The following PTPRQ variants were observed in gnomAD, a reference collection of about 807,000 sequenced individuals.
PTPRQ encodes the protein protein tyrosine phosphatase receptor type Q.
A neutral mutation model predicts 246.0 loss-of-function variants in PTPRQ; 199 were observed. That is an observed-to-expected ratio of 0.81 (90% CI 0.72 to 0.91). The LOEUF is 0.91. Ranked by LOEUF, PTPRQ falls within the 40% of genes least tolerant of loss-of-function variation. PTPRQ has a pLI of 0.00. For missense variants in PTPRQ, 2,624 were observed against 2,528.4 expected (o/e 1.04, Z -0.81); for synonymous variants, 869 against 853.2 (o/e 1.02, Z -0.32).
chr12:80,611,596 T>C (rs1467299796), intron 28 of PTPRQ, among the ~76,000 whole-genome samples: 2 of 150,370 alleles, frequency 1.3e-5, no homozygotes, highest in Non-Finnish European at 3.0e-5. Context: ...ATGAATGTAC[T>C]CACATTTATA....
At chr12:80,637,766 G>T (rs1899711348) in intron 35 of PTPRQ, among the ~76,000 whole-genome samples, 1 of 152,134 alleles carries the variant, frequency 6.6e-6, no homozygotes, top group African/African-American at 2.4e-5. Context: ...CATATGAGTG[G>T]ATCCTGTCAT....
chr12:80,444,698 C>A, intron 1 of PTPRQ, 43 bp from the exon 2 acceptor site: 2 of 1,433,024 alleles, frequency 1.4e-6, no homozygotes, highest in Middle Eastern at 1.8e-4. Context: ...TGCTTGCTTT[C>A]CAGAAAGAAT....
intron 8 of PTPRQ, among the ~76,000 whole-genome samples, chr12:80,474,413 T>C (rs1413799975): frequency 6.6e-6 from 1 of 152,192 alleles, no homozygotes; most frequent in Non-Finnish European, 1.5e-5. Context: ...TAGAAAAATG[T>C]TGCATTGACC....
chr12:80,629,151 G>GGC (rs1565828469), intron 33 of PTPRQ, among the ~76,000 whole-genome samples: 1 of 141,056 alleles, frequency 7.1e-6, no homozygotes, highest in Non-Finnish European at 1.5e-5. Context: ...AGGAGTGAGT[G>GGC]GCACACACAC....
intron 17 of PTPRQ, among the ~76,000 whole-genome samples, chr12:80,520,269 A>G (rs1253103691): frequency 1.3e-5 from 2 of 152,160 alleles, no homozygotes; most frequent in African/African-American, 4.8e-5. Context: ...TTTCCCCCAT[A>G]CTGTTCTCAT....
intron 16 of PTPRQ, among the ~76,000 whole-genome samples, chr12:80,508,097 A>G (rs1286075694): frequency 6.6e-6 from 1 of 151,994 alleles, no homozygotes; most frequent in Non-Finnish European, 1.5e-5. Context: ...TGTGCATCTG[A>G]ATTACCTGGG....
intron 19 of PTPRQ, among the ~76,000 whole-genome samples, chr12:80,536,951 T>C (rs1026671122): frequency 6.6e-6 from 1 of 152,230 alleles, no homozygotes; most frequent in Non-Finnish European, 1.5e-5. Flanking sequence ...GTTCTCTTTG[T>C]CCATATCTAA....
chr12:80,624,607 A>G (rs954756097), intron 33 of PTPRQ, among the ~76,000 whole-genome samples: 3 of 152,196 alleles, frequency 2.0e-5, no homozygotes, highest in African/African-American at 7.2e-5. Flanking sequence ...TGACTAGCAA[A>G]GCAGCCCAGC....
chr12:80,638,591 A>G (rs551957472), intron 35 of PTPRQ, among the ~76,000 whole-genome samples: 1 of 152,214 alleles, frequency 6.6e-6, no homozygotes, highest in African/African-American at 2.4e-5. Context: ...CTCTGCCTGT[A>G]TATTTACACT....
chr12:80,446,224 A>C (rs1237651451), intron 3 of PTPRQ, among the ~76,000 whole-genome samples: 1 of 139,302 alleles, frequency 7.2e-6, no homozygotes, highest in Non-Finnish European at 1.6e-5. Flanking sequence ...ATGGGAGCTC[A>C]AGTTTTTTTT....
intron 28 of PTPRQ, among the ~76,000 whole-genome samples, chr12:80,613,322 A>G (rs1898624390): frequency 6.6e-6 from 1 of 150,670 alleles, no homozygotes; most frequent in Non-Finnish European, 1.5e-5. Context: ...TGTCTCGAAA[A>G]CAAACAAAAG....
Position 80,652,780 on chromosome 12 carries a change from G to A in PTPRQ, c.6061G>A (p.Asp2021Asn). Residue 2021 changes from aspartate (D) to asparagine (N), a missense_variant, in exon 38 of 45, where the codon GAT becomes AAT. Transcript: ENST00000644991. Reference sequence around the variant, plus strand: ...ATTTCTTCAGGATCTTTCTTCAACTGATGCTGATCTGCCTTGGAATAGAGC... The same window carrying A: ...ATTTCTTCAGGATCTTTCTTCAACTAATGCTGATCTGCCTTGGAATAGAGC... ...PKFLQDLSST[D>N]ADLPWNRAKN... 6.6e-7 allele frequency: 1 copy of A among 1,511,152 alleles called. No individual in the cohort carries two copies. The highest frequency in any genetic ancestry group is 8.8e-7 in the Non-Finnish European group (1 of 1,131,080). The allele number at this position is 1,511,152 out of a possible 1,614,324, so 93.6% of individuals were successfully genotyped here. A position where few individuals can be genotyped will look rare whatever the true frequency, so the allele number is the denominator to read the frequency against.
intron 23 of PTPRQ, among the ~76,000 whole-genome samples, 177 bp from the exon 24 acceptor site, chr12:80,546,379 A>C (rs1896305508): frequency 6.6e-6 from 1 of 152,174 alleles, no homozygotes; most frequent in Admixed American, 6.5e-5. Flanking sequence ...TGTATCATAA[A>C]CTGAGCACAC....
At chr12:80,578,254 C>T (rs984889055) in intron 25 of PTPRQ, among the ~76,000 whole-genome samples, 2 of 135,162 alleles carry the variant, frequency 1.5e-5, no homozygotes, top group Non-Finnish European at 1.6e-5. Flanking sequence ...CGGTGTGTGA[C>T]GTTCCGCTTC....
chr12:80,530,556 AAAG>A (rs1895815272), intron 17 of PTPRQ, among the ~76,000 whole-genome samples: 1 of 152,188 alleles, frequency 6.6e-6, no homozygotes. Flanking sequence ...TTTTCATTTA[AAAG>A]ACTAAAATGA....
chr12:80,589,729 A>G (rs1897729693), intron 26 of PTPRQ, among the ~76,000 whole-genome samples: 1 of 152,222 alleles, frequency 6.6e-6, no homozygotes, highest in African/African-American at 2.4e-5. Context: ...ACTTTGACAC[A>G]ATTGTCCAAC....
chr12:80,576,719 G>T (rs987463584), intron 25 of PTPRQ, among the ~76,000 whole-genome samples: 1 of 150,896 alleles, frequency 6.6e-6, no homozygotes, highest in African/African-American at 2.4e-5. Context: ...TTCATCTCTG[G>T]TGTTTTGATA....
intron 8 of PTPRQ, among the ~76,000 whole-genome samples, chr12:80,478,602 A>G (rs1182312794): frequency 6.6e-6 from 1 of 152,182 alleles, no homozygotes; most frequent in Non-Finnish European, 1.5e-5. Flanking sequence ...CATTCAAACC[A>G]AAGGCAAAGA....
chr12:80,613,350 A>T (rs1161295812), intron 28 of PTPRQ, among the ~76,000 whole-genome samples: 1 of 150,674 alleles, frequency 6.6e-6, no homozygotes, highest in East Asian at 1.9e-4. Context: ...TGTCATAGAA[A>T]CACATTCTGT....
Sources: allele counts gnomAD v4.1 joint callset (sites outside exome capture counted in the v4.1 genomes callset), GRCh38; gene constraint gnomAD v4.1.1; transcripts MANE v1.5; gene names NCBI Gene and HGNC (gene_info 2026-07-23, HGNC 2026-07-21).